FAM221A: variants seen among roughly 807,000 people sequenced by gnomAD.
The protein encoded by FAM221A is family with sequence similarity 221 member A.
In FAM221A, 43 loss-of-function variants were observed where a neutral mutation model predicts 37.6. The ratio of observed to expected loss-of-function variants is 1.15; its 90% CI spans 0.90 to 1.48. FAM221A has a LOEUF of 1.48. FAM221A is among the 40% of genes most tolerant of loss of function. The probability of loss-of-function intolerance (pLI) is 0.00; values close to 1 mark genes in which losing one functional copy is unlikely to be tolerated. For missense variants in FAM221A, 361 were observed against 361.5 expected, an observed-to-expected ratio of 1.00 and a Z score of 0.01; for synonymous variants, 135 against 132.9, an observed-to-expected ratio of 1.02 and a Z score of -0.11.
chr7:23,695,415 G>T (rs767024890), intron 4 of FAM221A, among the ~76,000 whole-genome samples: 7 of 152,090 alleles, frequency 4.6e-5, no homozygotes, highest in Non-Finnish European at 1.0e-4. Flanking sequence ...ATGGAATCTT[G>T]CTCTGTCTCC....
At chr7:23,680,321 C>G (rs544433778) in intron 1 of FAM221A, 38 bp downstream of exon 1, 1 of 1,498,888 alleles carries the variant, frequency 6.7e-7, no homozygotes, top group Non-Finnish European at 9.0e-7. Flanking sequence ...CCCGCCGCTC[C>G]GAGGGGCCAG....
rs764136199 is a variant in FAM221A, at chr7:23,702,114, G to A, written c.847G>A (p.Ala283Thr). Residue 283 changes from alanine to threonine, a missense_variant, in exon 7 of 7, where the codon GCT becomes ACT. By Grantham distance (58) the Ala-to-Thr change is moderately conservative. Coordinates refer to ENST00000344962, the MANE Select transcript of FAM221A (RefSeq NM_199136.5). The stretch of plus-strand genomic sequence containing the variant: ...TTTACAGATGAAAATGGAAAAGGCT[G>A]CTAAGTGGAAAGGAAAAGCTCCATT... The part of the protein sequence containing the change: ...YQERMKMEKA[A>T]KWKGKAPLPS... 24 of 1,600,462 alleles carry A rather than the reference G, an allele frequency of 1.5e-5. No homozygotes were observed. In the South Asian group the frequency reaches 2.1e-4, roughly 14 times the overall value.
intron 2 of FAM221A, chr7:23,688,951 T>G (rs1473287489): frequency 1.1e-5 from 2 of 176,418 alleles, no homozygotes; most frequent in South Asian, 1.6e-4. Context: ...TTTTTCATAC[T>G]CTTAGGCTGT....
chr7:23,697,969 A>G lies in FAM221A; in HGVS notation c.638-223A>G, dbSNP rs1019683715. 3.9e-5 allele frequency among the ~76,000 whole-genome samples: 6 copies of G among 152,126 alleles called. No individual in the cohort carries two copies. The highest frequency in any genetic ancestry group is 1.4e-4 in the African/African-American group (6 of 41,430). ...GAGATGGGGTCTCCCTATGTTACCA[A>G]GACTGGTCTTGAACTCCTGGCCTCA... is the stretch of plus-strand genomic sequence containing the variant. On this transcript the variant is annotated intron_variant, in intron 4 of 6. Coordinates refer to ENST00000344962, the MANE Select transcript of FAM221A (RefSeq NM_199136.5).
Position 23,691,550 on chromosome 7 carries a change from C to A in FAM221A, c.591C>A (p.Phe197Leu). ...CAGCCATGGGAGGATTAACTGGTTTCAGCTCGCTGGCGGAAGGCTACATGC... is the reference window on the plus strand; with the variant it reads ...CAGCCATGGGAGGATTAACTGGTTTAAGCTCGCTGGCGGAAGGCTACATGC... ...PYAAMGGLTG[F>L]SSLAEGYMRL... Residue 197 changes from phenylalanine to leucine, a missense_variant, in exon 4 of 7, where the codon TTC becomes TTA. Transcript: ENST00000344962. 6.2e-7 allele frequency: 1 copy of A among 1,614,132 alleles called. No individual in the cohort carries two copies. Among genetic ancestry groups the A allele is most frequent in the Non-Finnish European group, 8.5e-7 (1 of 1,180,012 alleles).
Position 23,684,501 on chromosome 7 carries a change from T to C in FAM221A, c.68T>C (p.Ile23Thr). ...AGAAATATATATTTTTGTTGTAGAA[T>C]TGTTGGTGAGGATGATGGAGGGAAA... ...AVDEYLEYRR[I>T]VGEDDGGKLF... is the part of the protein sequence containing the mutation. The change falls in exon 2 of 7, where the codon ATT (isoleucine) becomes ACT (threonine). Residue 23 changes from isoleucine (I) to threonine (T), a missense_variant and splice_region_variant. By Grantham distance (89) the Ile-to-Thr change is moderately conservative. Transcript: ENST00000344962. The C allele has an allele frequency of 2.5e-6, 4 of 1,585,048 alleles. No homozygotes were observed. The highest frequency in any genetic ancestry group is 3.4e-4 in the Middle Eastern group (2 of 5,936).
intron 1 of FAM221A, 40 bp from the exon 2 acceptor site, chr7:23,684,459 A>C: frequency 7.0e-7 from 1 of 1,428,916 alleles, no homozygotes; most frequent in Non-Finnish European, 9.5e-7. Flanking sequence ...CCAGAAAATA[A>C]ATACTCAAAG....
Position 23,702,196 on chromosome 7 carries a change from A to C in FAM221A, c.*32A>C, listed in dbSNP as rs368424583. On this transcript the variant is annotated 3_prime_UTR_variant, in exon 7 of 7. Coordinates refer to ENST00000344962, the MANE Select transcript of FAM221A (RefSeq NM_199136.5). The stretch of plus-strand genomic sequence containing the variant: ...TTGGAGAAATTAAAACCATCATCCA[A>C]GTATCTTTTTCATGTTTATTTAAAT... 3.6e-6 allele frequency: 5 copies of C among 1,393,510 alleles called. No homozygotes were observed. The highest frequency in any genetic ancestry group is 3.9e-6 in the Non-Finnish European group (4 of 1,016,884). The allele number at this position is 1,393,510 out of a possible 1,614,324, so 86.3% of individuals were successfully genotyped here.
intron 4 of FAM221A, among the ~76,000 whole-genome samples, chr7:23,696,891 C>T (rs1558308): frequency 0.84 from 127,123 of 152,080 alleles, 53,405 homozygotes; most frequent in African/African-American, 0.93. Context: ...GTGGAAGGAG[C>T]CCATAATTCC....
At position 23,691,535 on chromosome 7, in the gene FAM221A, A is replaced by T. The variant is rs538297944; in HGVS notation, c.576A>T (p.Gly192=). ...VGQDIPYAAM[G]GLTGFSSLAE... ...AGGACATTCCTTATGCAGCCATGGG[A>T]GGATTAACTGGTTTCAGCTCGCTGG... is the stretch of plus-strand genomic sequence containing the variant. The change falls in exon 4 of 7, where the codon GGA becomes GGT. Residue 192 remains glycine, a synonymous_variant. Coordinates refer to ENST00000344962, the MANE Select transcript of FAM221A (RefSeq NM_199136.5). 1 of 1,614,186 alleles carries T rather than the reference A, an allele frequency of 6.2e-7. No homozygotes were observed. Among genetic ancestry groups the T allele is most frequent in the South Asian group, 1.1e-5 (1 of 91,086 alleles).
At chr7:23,681,229 C>T (rs1157337514) in intron 1 of FAM221A, among the ~76,000 whole-genome samples, 2 of 152,170 alleles carry the variant, frequency 1.3e-5, no homozygotes, top group African/African-American at 4.8e-5. Flanking sequence ...CGTCCTCTCC[C>T]AGAGCAGAGC....
intron 2 of FAM221A, chr7:23,686,182 A>G: frequency 3.1e-6 from 1 of 320,350 alleles, no homozygotes; most frequent in East Asian, 1.1e-4. Context: ...TTTATAATTT[A>G]TTCTTACACA....
At chr7:23,690,199 A>ATATATATTTTTTTTT (rs774313037) in intron 3 of FAM221A, among the ~76,000 whole-genome samples, 2 of 48,738 alleles carry the variant, frequency 4.1e-5, no homozygotes, top group African/African-American at 1.7e-4. Context: ...ATATATATAT[A>ATATATATTTTTTTTT]TTTTTTTTTT....
In FAM221A at chr7:23,689,292, T is replaced by A; in HGVS notation, c.263T>A (p.Leu88Ter). ...THRYKQHKTDLEAIPQQCPID... is the reference protein window; with the variant it reads ...THRYKQHKTD ...AGGTATAAACAACATAAAACTGACT[T>A]GGAAGCGATTCCTCAGCAGTGCCCC... The change falls in exon 3 of 7, where the codon TTG becomes TAG. Residue 88 changes from leucine to a stop codon, truncating the protein, a stop_gained. Transcript: ENST00000344962. LOFTEE classifies it high-confidence loss of function. 1 of 1,565,324 alleles carries A rather than the reference T, an allele frequency of 6.4e-7. No individual in the cohort carries two copies.
At chr7:23,698,102 G>T in intron 4 of FAM221A, 90 bp from the exon 5 acceptor site, 1 of 763,222 alleles carries the variant, frequency 1.3e-6, no homozygotes, top group South Asian at 1.6e-5. Context: ...TAATTCTGCT[G>T]AGGTTCCAAT....
intron 3 of FAM221A, among the ~76,000 whole-genome samples, chr7:23,690,192 TA>T (rs1345774299): frequency 0.053 from 2,961 of 56,292 alleles, 57 homozygotes; most frequent in Non-Finnish European, 0.081. Flanking sequence ...TATATATATA[TA>T]TATATATTTT....
chr7:23,683,110 C>T (rs1432942427), intron 1 of FAM221A, among the ~76,000 whole-genome samples: 1 of 152,088 alleles, frequency 6.6e-6, no homozygotes, highest in African/African-American at 2.4e-5. Context: ...GCATGTATTG[C>T]ACAAAAAAGT....
At chr7:23,689,232 A>C (rs755748625) in intron 2 of FAM221A, 37 bp from the exon 3 acceptor site, 9 of 1,365,764 alleles carry the variant, frequency 6.6e-6, no homozygotes, top group Non-Finnish European at 9.1e-6. Context: ...TAATACCTGT[A>C]TTGTGTTTAT....
rs752207529 is a variant in FAM221A, at chr7:23,698,300, G to T, written c.745+1G>T. The T allele has an allele frequency of 6.7e-7, 1 of 1,492,954 alleles. No individual in the cohort carries two copies. The highest frequency in any genetic ancestry group is 9.2e-7 in the Non-Finnish European group (1 of 1,085,666). The allele number at this position is 1,492,954 out of a possible 1,614,324, so 92.5% of individuals were successfully genotyped here. A position where few individuals can be genotyped will look rare whatever the true frequency, so the allele number is the denominator to read the frequency against. Reference sequence around the variant, plus strand: ...TCTTCTCCAGAAACGTTAACAGATGGTAATGAAATGAAGTTTAGAACTGTT... The same window carrying T: ...TCTTCTCCAGAAACGTTAACAGATGTTAATGAAATGAAGTTTAGAACTGTT... On this transcript the variant is annotated splice_donor_variant, in intron 5 of 6. Transcript: ENST00000344962. LOFTEE classifies it high-confidence loss of function.
Sources: gnomAD v4.1 joint callset for allele counts (sites outside exome capture counted in the v4.1 genomes callset) on GRCh38, gnomAD v4.1.1 for gene constraint, MANE v1.5 for transcripts, NCBI Gene and HGNC (gene_info 2026-07-23, HGNC 2026-07-21) for gene names.